Variants in RBFOX1 observed in about 807,000 individuals in gnomAD.
RBFOX1 encodes RNA binding protein fox-1 homolog 1.
RBFOX1 carries 8 observed loss-of-function variants against 57.7 expected under a neutral mutation model. The observed-to-expected ratio is 0.14, with a 90% confidence interval of 0.08 to 0.25. RBFOX1 has a LOEUF of 0.25. Among genes scored for constraint, RBFOX1 ranks in the 10% least tolerant of loss-of-function variants. RBFOX1 has a pLI of 1.00. For synonymous variants in RBFOX1, 326 were observed against 222.4 expected (o/e 1.47, Z -4.15); for missense variants, 611 against 548.5 (o/e 1.11, Z -1.14).
At chr16:6,197,309 T>C (rs984193687) in intron 1 of RBFOX1, among the ~76,000 whole-genome samples, 1 of 152,136 alleles carries the variant, frequency 6.6e-6, no homozygotes, top group Non-Finnish European at 1.5e-5. Flanking sequence ...TATTTTATCA[T>C]CCGTATCTCC....
At chr16:7,041,440 C>T (rs562986248) in intron 3 of RBFOX1, among the ~76,000 whole-genome samples, 1 of 152,102 alleles carries the variant, frequency 6.6e-6, no homozygotes, top group African/African-American at 2.4e-5. Flanking sequence ...TTCTTTTAAC[C>T]ATTTCATTAC....
At chr16:5,723,840 C>G (rs2052029533) in intron 3 of RBFOX1, among the ~76,000 whole-genome samples, 1 of 152,236 alleles carries the variant, frequency 6.6e-6, no homozygotes, top group South Asian at 2.1e-4. Flanking sequence ...TGTCTGTAGA[C>G]TGGACCTTGC....
intron 4 of RBFOX1, among the ~76,000 whole-genome samples, chr16:5,961,486 AC>A (rs138695582): frequency 0.26 from 38,379 of 150,446 alleles, 4,978 homozygotes; most frequent in East Asian, 0.29. Flanking sequence ...TTTAAAAAAA[AC>A]AAAACAAAAC....
In RBFOX1 at chr16:7,286,470, G is replaced by A. The variant is rs1390939754; in HGVS notation, c.28-231677G>A. On this transcript the variant is annotated intron_variant, in intron 4 of 15. Transcript: ENST00000550418. ...CTTATTTTTTTTTTTTTTTTTTTGA[G>A]ATGGAGTCTTGCTCTGTCACCTAGG... is the stretch of plus-strand genomic sequence containing the variant. Among the ~76,000 whole-genome samples the A allele has an allele frequency of 5.3e-5, 7 of 131,880 alleles. 1 individual carries two copies. Among genetic ancestry groups the A allele is most frequent in the African/African-American group, 2.0e-4 (7 of 35,548 alleles). 86.5% of individuals were successfully genotyped at this position (131,880 alleles called of 152,430 possible). A position where few individuals can be genotyped will look rare whatever the true frequency, so the allele number is the denominator to read the frequency against.
At chr16:5,343,910 G>A (rs1226076966) in intron 1 of RBFOX1, among the ~76,000 whole-genome samples, 2 of 152,170 alleles carry the variant, frequency 1.3e-5, no homozygotes, top group African/African-American at 2.4e-5. Context: ...TGGATTTCTG[G>A]TATAAATGTG....
At chr16:6,095,259 G>A (rs776575926) in intron 1 of RBFOX1, among the ~76,000 whole-genome samples, 16 of 152,188 alleles carry the variant, frequency 1.1e-4, no homozygotes, top group Non-Finnish European at 1.9e-4. Context: ...AACTTTGAGG[G>A]TGAATATACA....
At chr16:5,460,340 G>A (rs570280902) in intron 1 of RBFOX1, among the ~76,000 whole-genome samples, 4 of 152,248 alleles carry the variant, frequency 2.6e-5, no homozygotes, top group Admixed American at 6.5e-5. Context: ...AGGACTAAAC[G>A]TTTTAATTCT....
At chr16:6,428,724 G>A (rs532290099) in intron 2 of RBFOX1, among the ~76,000 whole-genome samples, 7 of 152,222 alleles carry the variant, frequency 4.6e-5, no homozygotes, top group South Asian at 2.1e-4. Flanking sequence ...ACTGGGCTAC[G>A]TAAACAAAAT....
At position 5,696,251 on chromosome 16, in the gene RBFOX1, C is replaced by G. The variant is rs552257011; in HGVS notation, c.318+97290C>G. Among the ~76,000 whole-genome samples, 277 of 152,276 alleles carry G rather than the reference C, an allele frequency of 1.8e-3. 2 individuals carry two copies. The highest frequency in any genetic ancestry group is 6.3e-3 in the African/African-American group (260 of 41,558). The stretch of plus-strand genomic sequence containing the variant: ...TCATTGTCTTCCTTAGCTGCCAGAA[C>G]TATTATTCCCATAGGTATTTTCTAA... On this transcript the variant is annotated intron_variant, in intron 3 of 19. Coordinates refer to the RBFOX1 transcript ENST00000641259.
rs111555154 is a variant in RBFOX1 at position 6,462,682 on chromosome 16, T to G, written c.-64+145625T>G. Among the ~76,000 whole-genome samples the G allele has an allele frequency of 3.7e-3, 560 of 152,136 alleles. 7 individuals are homozygous for G. Among genetic ancestry groups the G allele is most frequent in the African/African-American group, 0.013 (528 of 41,486 alleles). The stretch of plus-strand genomic sequence containing the variant: ...ACCAATTTTTTAATTTCAACAAATA[T>G]TACCATGTTTTTACCCCCCACCGCC... On this transcript the variant is annotated intron_variant, in intron 2 of 15. Coordinates refer to ENST00000550418, the MANE Select transcript of RBFOX1 (RefSeq NM_018723.4).
intron 4 of RBFOX1, among the ~76,000 whole-genome samples, chr16:5,983,488 A>G (rs1032737251): frequency 6.6e-6 from 1 of 152,166 alleles, no homozygotes; most frequent in Non-Finnish European, 1.5e-5. Flanking sequence ...TCCAGTGAAG[A>G]GAGGGGTACG....
intron 1 of RBFOX1, among the ~76,000 whole-genome samples, chr16:6,213,806 G>C (rs1310386927): frequency 6.6e-6 from 1 of 152,132 alleles, no homozygotes; most frequent in Non-Finnish European, 1.5e-5. Flanking sequence ...TCTAAGCCAG[G>C]GTTCTCAACC....
chr16:5,454,987 CTT>C (rs767914428), intron 1 of RBFOX1, among the ~76,000 whole-genome samples: 1 of 97,388 alleles, frequency 1.0e-5, no homozygotes, highest in African/African-American at 3.6e-5. Flanking sequence ...TTCTTTCTTT[CTT>C]TCTTTCTTTC....
At chr16:5,367,809 A>T (rs1295737505) in intron 1 of RBFOX1, among the ~76,000 whole-genome samples, 3 of 152,192 alleles carry the variant, frequency 2.0e-5, no homozygotes, top group Admixed American at 6.5e-5. Flanking sequence ...AAAGTAACAC[A>T]GTAGACTCTT....
intron 4 of RBFOX1, among the ~76,000 whole-genome samples, chr16:7,178,391 A>G (rs1328237137): frequency 1.3e-5 from 2 of 152,236 alleles, no homozygotes; most frequent in Non-Finnish European, 2.9e-5. Context: ...TTGCAAGGAC[A>G]TGGCAAACAC....
chr16:5,528,880 G>A (rs1464961156), intron 2 of RBFOX1, among the ~76,000 whole-genome samples: 1 of 152,058 alleles, frequency 6.6e-6, no homozygotes, highest in African/African-American at 2.4e-5. Context: ...GAACTCCTGA[G>A]CTCAAGTGAT....
intron 4 of RBFOX1, among the ~76,000 whole-genome samples, chr16:5,926,361 C>G (rs1433799040): frequency 4.6e-5 from 7 of 152,118 alleles, no homozygotes; most frequent in Non-Finnish European, 8.8e-5. Flanking sequence ...ACTGGCTGTT[C>G]TTAATCAGCT....
intron 4 of RBFOX1, among the ~76,000 whole-genome samples, chr16:7,384,866 A>G (rs568615533): frequency 2.0e-5 from 3 of 152,376 alleles, no homozygotes; most frequent in Admixed American, 6.5e-5. Context: ...GGCAAACAAT[A>G]AATAACTGTG....
intron 2 of RBFOX1, among the ~76,000 whole-genome samples, chr16:5,532,097 C>G (rs550391827): frequency 3.9e-5 from 6 of 152,306 alleles, no homozygotes; most frequent in Admixed American, 1.3e-4. Context: ...CCATGCGTGA[C>G]TGTCAAGTTC....
Sources: allele counts gnomAD v4.1 joint callset (sites outside exome capture counted in the v4.1 genomes callset), GRCh38; gene constraint gnomAD v4.1.1; transcripts MANE v1.5; gene names NCBI Gene and HGNC (gene_info 2026-07-23, HGNC 2026-07-21).